The following COG5 variants were observed in gnomAD, a reference collection of about 807,000 sequenced individuals.
The protein encoded by COG5 is conserved oligomeric Golgi complex subunit 5.
COG5 carries 86 observed loss-of-function variants against 110.4 expected under a neutral mutation model. The observed-to-expected ratio is 0.78, with a 90% CI of 0.65 to 0.93. The LOEUF is 0.93. COG5 is among the 40% of genes least tolerant of loss of function. The pLI is 0.00. For missense variants in COG5, 1,077 were observed against 987.0 expected (o/e 1.09, Z -1.22); for synonymous variants, 360 against 334.6 (o/e 1.08, Z -0.83).
intron 19 of COG5, among the ~76,000 whole-genome samples, chr7:107,222,198 TCCC>T (rs1277027817): frequency 6.7e-6 from 1 of 148,168 alleles, no homozygotes; most frequent in Non-Finnish European, 1.5e-5. Context: ...TAATCACCTG[TCCC>T]CCCCTTTTTT....
intron 6 of COG5, among the ~76,000 whole-genome samples, chr7:107,437,909 C>A (rs1167278026): frequency 6.6e-6 from 1 of 152,106 alleles, no homozygotes; most frequent in African/African-American, 2.4e-5. Context: ...CCTTTTCTAG[C>A]AAAATATGTC....
intron 21 of COG5, chr7:107,208,406 GT>G (rs1424421441): frequency 2.9e-5 from 29 of 985,438 alleles, no homozygotes; most frequent in Non-Finnish European, 3.3e-5. Context: ...CAGGACAACT[GT>G]TTTGGATGAA....
chr7:107,294,713 CTTTTTTTT>C (rs796291188), intron 12 of COG5, among the ~76,000 whole-genome samples: 1,524 of 110,044 alleles, frequency 0.014, 22 homozygotes, highest in Non-Finnish European at 0.019. Flanking sequence ...AATTTTCTTT[CTTTTTTTT>C]TTTTTTTTTT....
chr7:107,385,611 A>T (rs1198603977), intron 7 of COG5, among the ~76,000 whole-genome samples: 1 of 152,216 alleles, frequency 6.6e-6, no homozygotes, highest in South Asian at 2.1e-4. Context: ...AGTCAAAAAA[A>T]GACAAATAAT....
intron 12 of COG5, among the ~76,000 whole-genome samples, chr7:107,291,365 C>A (rs1308809708): frequency 1.3e-5 from 2 of 152,162 alleles, no homozygotes; most frequent in African/African-American, 4.8e-5. Context: ...CATGAGCCAC[C>A]ACAACCAGCC....
intron 12 of COG5, among the ~76,000 whole-genome samples, chr7:107,289,505 T>C (rs897384928): frequency 3.3e-5 from 5 of 152,184 alleles, no homozygotes; most frequent in Non-Finnish European, 5.9e-5. Context: ...TTATGAATTT[T>C]AGAAGCACTT....
In COG5 at chr7:107,203,555, C is replaced by T. The variant is rs760038268; in HGVS notation, c.2451G>A (p.Met817Ile). The change falls in exon 22 of 22, where the codon ATG (methionine) becomes ATA (isoleucine). Residue 817 changes from methionine (M) to isoleucine (I), a missense_variant. Physicochemically the swap from Met to Ile is conservative, Grantham distance 10. Coordinates refer to ENST00000297135, the MANE Select transcript of COG5 (RefSeq NM_006348.5). ...GKEFAPVYPI[M>I]VQLLQKAMSA... is the part of the protein sequence containing the mutation. ...ACATAGCCTTTTGAAGCAGCTGAAC[C>T]ATTATGGGATAAACTGGTGCAAATT... is the stretch of plus-strand genomic sequence containing the variant. 5.0e-6 allele frequency: 8 copies of T among 1,613,866 alleles called. No homozygotes were observed. The African/African-American group carries it at 1.1e-4, about 22-fold the overall frequency.
intron 10 of COG5, 87 bp from the exon 11 acceptor site, chr7:107,324,608 G>C (rs1020480145): frequency 1.2e-5 from 8 of 673,916 alleles, no homozygotes; most frequent in African/African-American, 3.7e-5. Flanking sequence ...ACCTTGAAAA[G>C]TTATTTAAAA....
chr7:107,509,757 G>C (rs932439345), intron 6 of COG5, among the ~76,000 whole-genome samples: 5 of 152,174 alleles, frequency 3.3e-5, no homozygotes, highest in African/African-American at 1.2e-4. Flanking sequence ...CATTCTTAAA[G>C]AAAAGAATTT....
At chr7:107,294,286 C>G (rs80341862) in intron 12 of COG5, among the ~76,000 whole-genome samples, 27,308 of 152,072 alleles carry the variant, frequency 0.18, 2,656 homozygotes, top group Non-Finnish European at 0.22. Flanking sequence ...ATTCCCCTGT[C>G]CTCTCAAATC....
intron 6 of COG5, among the ~76,000 whole-genome samples, chr7:107,499,745 G>A (rs1371319808): frequency 6.6e-6 from 1 of 151,978 alleles, no homozygotes; most frequent in Non-Finnish European, 1.5e-5. Context: ...TGTTAAAGAG[G>A]GAACTGGAGT....
Position 107,513,428 on chromosome 7 carries a change from C to G in COG5, c.538+13809G>C, listed in dbSNP as rs868122923. 6.2e-3 allele frequency among the ~76,000 whole-genome samples: 945 copies of G among 152,124 alleles called. 10 individuals are homozygous for G. The highest frequency in any genetic ancestry group is 0.02 in the African/African-American group (841 of 41,460). ...TGCTGGAGAGGATGTGGAGAAATAG[C>G]AACACTTTTACACTGTTGGTGGGAC... On this transcript the variant is annotated intron_variant, in intron 6 of 21. Coordinates refer to ENST00000297135, the MANE Select transcript of COG5 (RefSeq NM_006348.5).
intron 11 of COG5, among the ~76,000 whole-genome samples, chr7:107,306,356 A>G (rs960693365): frequency 6.6e-6 from 1 of 152,152 alleles, no homozygotes; most frequent in African/African-American, 2.4e-5. Context: ...AATAATTTTT[A>G]GAAGCAAATA....
chr7:107,535,343 GA>G (rs1801508350), intron 5 of COG5, among the ~76,000 whole-genome samples: 1 of 151,238 alleles, frequency 6.6e-6, no homozygotes, highest in African/African-American at 2.5e-5. Context: ...ATAGAGACAT[GA>G]AAAACCCTTC....
At chr7:107,321,761 A>T (rs759380463) in intron 11 of COG5, among the ~76,000 whole-genome samples, 2 of 152,202 alleles carry the variant, frequency 1.3e-5, no homozygotes, top group Non-Finnish European at 2.9e-5. Flanking sequence ...ACCTAGTAAA[A>T]CTTCTAAAAT....
At chr7:107,530,624 A>AAC (rs1801137821) in intron 5 of COG5, among the ~76,000 whole-genome samples, 3 of 142,088 alleles carry the variant, frequency 2.1e-5, no homozygotes, top group African/African-American at 8.8e-5. Context: ...AAAAAAAAAA[A>AAC]AACACAGTTT....
intron 1 of COG5, among the ~76,000 whole-genome samples, chr7:107,560,495 GA>G (rs1410652834): frequency 3.3e-5 from 5 of 152,118 alleles, no homozygotes; most frequent in Admixed American, 6.5e-5. Context: ...ACTGATACAG[GA>G]AATTTAGTTT....
intron 10 of COG5, among the ~76,000 whole-genome samples, chr7:107,355,642 C>T (rs1285945914): frequency 6.6e-6 from 1 of 152,144 alleles, no homozygotes; most frequent in Non-Finnish European, 1.5e-5. Flanking sequence ...ACCTTAAACG[C>T]ATATTGCTAA....
chr7:107,234,633 A>G (rs1006948828), intron 18 of COG5, among the ~76,000 whole-genome samples: 2 of 152,174 alleles, frequency 1.3e-5, no homozygotes, highest in African/African-American at 2.4e-5. Context: ...TGCCTCCAGG[A>G]AAGTGACTCA....
Sources: allele counts gnomAD v4.1 joint callset (sites outside exome capture counted in the v4.1 genomes callset), GRCh38; gene constraint gnomAD v4.1.1; transcripts MANE v1.5; gene names NCBI Gene and HGNC (gene_info 2026-07-23, HGNC 2026-07-21).